The following KYAT3 variants were observed in gnomAD, a reference collection of about 807,000 sequenced individuals.
KYAT3 encodes the protein kynurenine aminotransferase 3, also known as kynurenine--oxoglutarate transaminase 3.
A neutral mutation model predicts 59.0 loss-of-function variants in KYAT3; 50 were observed. The ratio of observed to expected loss-of-function variants is 0.85; its 90% CI spans 0.68 to 1.07. The LOEUF (loss-of-function observed/expected upper bound fraction) is 1.07. Among genes scored for constraint, KYAT3 ranks in the 50% least tolerant of loss-of-function variants. KYAT3 has a pLI of 0.00. For missense variants in KYAT3, 497 were observed against 533.3 expected (o/e 0.93, Z 0.67); for synonymous variants, 148 against 177.0 (o/e 0.84, Z 1.30).
At chr1:88,923,895 A>T in the KYAT3 span, 3 of 168,174 alleles carry the variant, frequency 1.8e-5, no homozygotes, top group Non-Finnish European at 3.9e-5. Context: ...TACTCACTGG[A>T]GGAAGGAAGT....
chr1:88,968,763 T>C lies in KYAT3; in HGVS notation c.210A>G (p.Gln70=), dbSNP rs773573650. The C allele has an allele frequency of 2.5e-6, 4 of 1,597,022 alleles. No homozygotes were observed. In the South Asian group the frequency reaches 3.4e-5, roughly 14 times the overall value. Residue 70 remains glutamine, a synonymous_variant, in exon 4 of 14, where the codon CAA becomes CAG. Coordinates refer to ENST00000260508, the MANE Select transcript of KYAT3 (RefSeq NM_001008661.3). The part of the protein sequence containing the change: ...AADPSVVNLG[Q]GFPDISPPTY... ...TAGGAGGGGATATATCTGGAAAGCC[T>C]TGGCCAAGATTCACAACAGAAGGGT...
intron 13 of KYAT3, among the ~76,000 whole-genome samples, chr1:88,941,906 G>A (rs1427044297): frequency 6.6e-6 from 1 of 152,002 alleles, no homozygotes; most frequent in Non-Finnish European, 1.5e-5. Flanking sequence ...GTACCTAATT[G>A]TGCTTTTAAA....
At position 88,942,988 on chromosome 1, in the gene KYAT3, T is replaced by C. The variant is rs746009932; in HGVS notation, c.1302+17A>G. ...GAAGATACTATATATGTGTTTTCAA[T>C]AGAGCAGGGAACTTACTTTAATGAA... On this transcript the variant is annotated intron_variant, in intron 13 of 13. Transcript: ENST00000260508. 1 of 1,547,880 alleles carries C rather than the reference T, an allele frequency of 6.5e-7. No homozygotes were observed. The highest frequency in any genetic ancestry group is 8.9e-7 in the Non-Finnish European group (1 of 1,120,860).
chr1:88,952,765 CTT>C (rs1413916548), intron 10 of KYAT3, among the ~76,000 whole-genome samples: 1 of 152,112 alleles, frequency 6.6e-6, no homozygotes, highest in South Asian at 2.1e-4. Context: ...AGATGGATTG[CTT>C]TCATGGGGCA....
Position 88,955,164 on chromosome 1 carries a change from A to G in KYAT3, c.849T>C (p.Ser283=). 6.2e-7 allele frequency: 1 copy of G among 1,609,396 alleles called. No individual in the cohort carries two copies. The highest frequency in any genetic ancestry group is 8.5e-7 in the Non-Finnish European group (1 of 1,175,910). ...CTCATCTTACCTTCCAGCCAGTTAC[A>G]CTGAAAGTCTTTCCAGCACTTCCTA... is the stretch of plus-strand genomic sequence containing the variant. ...ITIGSAGKTF[S]VTGWKLGWSI... is the part of the protein sequence containing the mutation. The change falls in exon 9 of 14, where the codon AGT becomes AGC. Residue 283 remains serine (S), a synonymous_variant. Coordinates refer to ENST00000260508, the MANE Select transcript of KYAT3 (RefSeq NM_001008661.3).
At chr1:88,984,126 A>T in intron 2 of KYAT3, 1 of 397,528 alleles carries the variant, frequency 2.5e-6, no homozygotes, top group East Asian at 4.6e-5. Context: ...GCAGGGAAAG[A>T]TGCTTAAAGA....
chr1:88,947,571 A>C lies in KYAT3; in HGVS notation c.1141+1520T>G, dbSNP rs558581089. 9.8e-5 allele frequency among the ~76,000 whole-genome samples: 15 copies of C among 152,304 alleles called. No individual in the cohort carries two copies. The South Asian group carries it at 1.9e-3, about 19-fold the overall frequency. On this transcript the variant is annotated intron_variant, in intron 11 of 13. Transcript: ENST00000260508. ...TCTGGTCATGGGTCAGACACTTAAC[A>C]TCAGGCCATCTGCCAGGATAAACAA...
intron 8 of KYAT3, among the ~76,000 whole-genome samples, chr1:88,957,932 A>G (rs1003805008): frequency 1.3e-5 from 2 of 152,174 alleles, no homozygotes; most frequent in Non-Finnish European, 2.9e-5. Flanking sequence ...TTAAAACATG[A>G]TAACATTTTG....
intron 2 of KYAT3, chr1:88,983,444 T>C (rs1677223897): frequency 1.2e-6 from 2 of 1,614,070 alleles, no homozygotes; most frequent in Admixed American, 3.3e-5. Context: ...ATCATCCATG[T>C]GTCCTCCTCG....
intron 4 of KYAT3, among the ~76,000 whole-genome samples, chr1:88,965,870 T>C (rs1357993982): frequency 6.6e-6 from 1 of 152,242 alleles, no homozygotes; most frequent in Non-Finnish European, 1.5e-5. Flanking sequence ...ACTGAGTTCC[T>C]TTGAATTTTA....
the KYAT3 span, among the ~76,000 whole-genome samples, chr1:88,924,652 A>G: frequency 6.6e-6 from 1 of 152,164 alleles, no homozygotes; most frequent in African/African-American, 2.4e-5. Context: ...CTCGCCGTCT[A>G]CCACTGCTGT....
intron 5 of KYAT3, among the ~76,000 whole-genome samples, 191 bp from the exon 6 acceptor site, chr1:88,962,336 T>C (rs1465557617): frequency 1.3e-5 from 2 of 152,190 alleles, no homozygotes; most frequent in African/African-American, 2.4e-5. Context: ...GTAGTCTTAA[T>C]TGGACTCCTT....
the KYAT3 span, among the ~76,000 whole-genome samples, chr1:88,924,932 G>A: frequency 4.6e-5 from 7 of 152,106 alleles, no homozygotes; most frequent in Admixed American, 3.9e-4. Context: ...GAATCCGTGA[G>A]GCCAAGAACC....
intron 2 of KYAT3, among the ~76,000 whole-genome samples, chr1:88,976,427 T>C (rs1198292435): frequency 2.6e-5 from 4 of 152,072 alleles, no homozygotes; most frequent in Non-Finnish European, 5.9e-5. Context: ...GCATGATGCA[T>C]TAGTCACGTG....
At chr1:88,974,461 G>C (rs1374169413) in intron 2 of KYAT3, among the ~76,000 whole-genome samples, 2 of 138,270 alleles carry the variant, frequency 1.4e-5, no homozygotes, top group Non-Finnish European at 3.1e-5. Context: ...GCATTTTGGT[G>C]TCTCTCTCTT....
At chr1:88,930,642 G>C in the KYAT3 span, among the ~76,000 whole-genome samples, 1 of 152,072 alleles carries the variant, frequency 6.6e-6, no homozygotes, top group Non-Finnish European at 1.5e-5. Context: ...GCCCTCACTT[G>C]GGCACTAAAA....
At chr1:88,930,467 C>G in the KYAT3 span, among the ~76,000 whole-genome samples, 1 of 151,992 alleles carries the variant, frequency 6.6e-6, no homozygotes, top group Non-Finnish European at 1.5e-5. Flanking sequence ...AGGGGACCTT[C>G]TAGAGGTTCC....
At chr1:88,926,039 A>T in the KYAT3 span, among the ~76,000 whole-genome samples, 1 of 152,224 alleles carries the variant, frequency 6.6e-6, no homozygotes, top group Non-Finnish European at 1.5e-5. Context: ...AATGCATTCA[A>T]TCTGTAGCAG....
Position 88,961,220 on chromosome 1 carries a change from C to G in KYAT3, c.734G>C (p.Ser245Thr). The change falls in exon 8 of 14, where the codon AGC becomes ACC. Residue 245 changes from serine to threonine, a missense_variant. By Grantham distance (58) the Ser-to-Thr change is moderately conservative. Around this residue, in one of 2 missense-constraint regions of KYAT3, gnomAD observed 469 missense variants for 479.1 expected, o/e 0.98. Transcript: ENST00000260508. The stretch of plus-strand genomic sequence containing the variant: ...TACAAGCCATTCATAAACCTCATCG[C>G]TGATGCAGAGTGTGTCATATTTGAT... ...LCIKYDTLCISDEVYEWLVYS... is the reference protein window; with the variant it reads ...LCIKYDTLCITDEVYEWLVYS... 6.2e-7 allele frequency: 1 copy of G among 1,613,526 alleles called. No homozygotes were observed. Among genetic ancestry groups the G allele is most frequent in the East Asian group, 2.2e-5 (1 of 44,822 alleles).
Sources: gnomAD v4.1 joint callset for allele counts (sites outside exome capture counted in the v4.1 genomes callset) on GRCh38, gnomAD v4.1.1 for gene constraint, gnomAD v4.1.1 regional missense constraint, MANE v1.5 for transcripts, NCBI Gene and HGNC (gene_info 2026-07-23, HGNC 2026-07-21) for gene names.